Variants in EME2 observed in about 807,000 individuals in gnomAD.
EME2 encodes the protein structure-specific endonuclease subunit EME2.
In EME2, 58 loss-of-function variants were observed where a neutral mutation model predicts 41.9. That is an observed-to-expected ratio of 1.38 (90% CI 1.12 to 1.72). The LOEUF (loss-of-function observed/expected upper bound fraction) is 1.72. Among genes scored for constraint, EME2 ranks in the 40% most tolerant of loss-of-function variants. The pLI is 0.00. For missense variants in EME2, 695 were observed against 541.9 expected (o/e 1.28, Z -2.81); for synonymous variants, 334 against 239.3 (o/e 1.40, Z -3.65).
At position 1,775,646 on chromosome 16, in the gene EME2, G is replaced by C. The variant is rs762536698; in HGVS notation, c.741G>C (p.Val247=). The C allele has an allele frequency of 6.2e-7, 1 of 1,612,932 alleles. No homozygotes were observed. Among genetic ancestry groups the C allele is most frequent in the East Asian group, 2.2e-5 (1 of 44,890 alleles). The change falls in exon 6 of 8, where the codon GTG becomes GTC. Residue 247 remains valine (V), a synonymous_variant. Transcript: ENST00000568449. ...VASWQELSRH[V]CAVTKALAQY... Reference sequence around the variant, plus strand: ...CTTGGCAGGAGCTGAGTCGGCACGTGTGCGCCGTTACCAAGGCTCTCGCCC... The same window carrying C: ...CTTGGCAGGAGCTGAGTCGGCACGTCTGCGCCGTTACCAAGGCTCTCGCCC...
At position 1,775,807 on chromosome 16, in the gene EME2, G is replaced by C; in HGVS notation, c.790G>C (p.Glu264Gln). The C allele has an allele frequency of 3.7e-6, 6 of 1,612,460 alleles. No individual in the cohort carries two copies. Among genetic ancestry groups the C allele is most frequent in the Non-Finnish European group, 4.2e-6 (5 of 1,179,738 alleles). ...TCTCTCTGTCCCCAGGCAGTACCGG[G>C]AATCCCAGGCCTTCTCCTTCTGCAC... ...LAQYPLKQYR[E>Q]SQAFSFCTAG... The change falls in exon 7 of 8, where the codon GAA becomes CAA. Residue 264 changes from glutamate to glutamine, a missense_variant. By Grantham distance (29) the Glu-to-Gln change is conservative. Transcript: ENST00000568449.
rs2042704413 is a variant in EME2, at chr16:1,775,885, C to T, written c.868C>T (p.Gln290Ter). ...EPVARDGAGLQAAWRRQIRQF... is the reference protein window; with the variant it reads ...EPVARDGAGL ...AGTGGCAAGAGACGGCGCAGGGCTGCAGGCGGCCTGGCGGAGGCAGATCAG... is the reference window on the plus strand; with the variant it reads ...AGTGGCAAGAGACGGCGCAGGGCTGTAGGCGGCCTGGCGGAGGCAGATCAG... The change falls in exon 7 of 8, where the codon CAG becomes TAG. Residue 290 changes from glutamine (Q) to a stop codon, truncating the protein, a stop_gained. Coordinates refer to ENST00000568449, the MANE Select transcript of EME2 (RefSeq NM_001257370.2). LOFTEE classifies it high-confidence loss of function. The T allele has an allele frequency of 1.2e-6, 2 of 1,612,536 alleles. 1 individual carries two copies. Among genetic ancestry groups the T allele is most frequent in the East Asian group, 4.5e-5 (2 of 44,874 alleles).
Position 1,777,611 on chromosome 16 carries a change from C to T in EME2, c.*1373C>T, listed in dbSNP as rs2042733633. On this transcript the variant is annotated 3_prime_UTR_variant, in exon 8 of 8. Coordinates refer to ENST00000568449, the MANE Select transcript of EME2 (RefSeq NM_001257370.2). Reference sequence around the variant, plus strand: ...ACTCCAGCCTGGCCTCACTGTCCCACCCCCTGGGACCCTGGGGCCTCAGGC... The same window carrying T: ...ACTCCAGCCTGGCCTCACTGTCCCATCCCCTGGGACCCTGGGGCCTCAGGC... The T allele has an allele frequency of 2.8e-6, 4 of 1,443,380 alleles. No homozygotes were observed. Among genetic ancestry groups the T allele is most frequent in the Non-Finnish European group, 3.7e-6 (4 of 1,074,826 alleles). 89.4% of individuals were successfully genotyped at this position (1,443,380 alleles called of 1,614,324 possible).
chr16:1,775,356 G>T lies in EME2; in HGVS notation c.611G>T (p.Ser204Ile). ...TCCCGGGGGACACAGCAGCCAGAGA[G>T]CCCGAAGGTGGCCGGTGCCGAGGTG... ...HVSRGTQQPE[S>I]PKVAGAEVAV... Residue 204 changes from serine to isoleucine, a missense_variant, in exon 5 of 8, where the codon AGC becomes ATC. Transcript: ENST00000568449. 2 of 1,611,584 alleles carry T rather than the reference G, an allele frequency of 1.2e-6. No individual in the cohort carries two copies.
chr16:1,777,448 A>G lies in EME2; in HGVS notation c.*1210A>G, dbSNP rs1414980310. 6.7e-7 allele frequency: 1 copy of G among 1,503,114 alleles called. No individual in the cohort carries two copies. Among genetic ancestry groups the G allele is most frequent in the Non-Finnish European group, 8.9e-7 (1 of 1,126,758 alleles). The allele number at this position is 1,503,114 out of a possible 1,614,324, so 93.1% of individuals were successfully genotyped here. A position where few individuals can be genotyped will look rare whatever the true frequency, so the allele number is the denominator to read the frequency against. On this transcript the variant is annotated 3_prime_UTR_variant, in exon 8 of 8. Transcript: ENST00000568449. ...GCAGCTTGGTGGCTGCCACACCTGG[A>G]AGGGAGGGGCCCAGCCTGAACCCCA...
At position 1,781,665 on chromosome 16, in the gene EME2, C is replaced by G; in HGVS notation, c.*5427C>G. The G allele has an allele frequency of 1.5e-6, 1 of 657,950 alleles. No individual in the cohort carries two copies. Among genetic ancestry groups the G allele is most frequent in the Non-Finnish European group, 2.6e-6 (1 of 386,998 alleles). 40.8% of individuals were successfully genotyped at this position (657,950 alleles called of 1,614,324 possible). A position where few individuals can be genotyped will look rare whatever the true frequency, so the allele number is the denominator to read the frequency against. ...CCCGTACCTCACTCCAGGATCTGAG[C>G]AGCTCAATAAAACCCAGGTAGATCC... On this transcript the variant is annotated 3_prime_UTR_variant, in exon 8 of 8. Coordinates refer to ENST00000568449, the MANE Select transcript of EME2 (RefSeq NM_001257370.2).
At chr16:1,775,506 A>G (rs968605768) in intron 5 of EME2, 63 bp from the exon 6 acceptor site, 11 of 1,597,436 alleles carry the variant, frequency 6.9e-6, no homozygotes, top group East Asian at 4.5e-5. Flanking sequence ...TGGGGCAGCT[A>G]TCAGCTGTGT....
rs200598518 is a variant in EME2 at position 1,775,205 on chromosome 16, G to T, written c.569+73G>T. ...TCAGGGGAGGTGGGCACACTTCTGG[G>T]GTTGCTGTGGCACAGCTGATCCCAC... On this transcript the variant is annotated intron_variant, in intron 4 of 7. Transcript: ENST00000568449. 2.1e-3 allele frequency: 3,397 copies of T among 1,588,420 alleles called. 8 individuals carry two copies. The highest frequency in any genetic ancestry group is 2.7e-3 in the Non-Finnish European group (3,091 of 1,159,790).
rs2042724272 is a variant in EME2 at position 1,777,056 on chromosome 16, G to A, written c.*818G>A. On this transcript the variant is annotated 3_prime_UTR_variant, in exon 8 of 8. Transcript: ENST00000568449. ...AGAGAAAGAAGGGACAGAGGAAAGG[G>A]GCTGTCCCAGCCCAAGAAGGCAGTT... 1 of 1,587,536 alleles carries A rather than the reference G, an allele frequency of 6.3e-7. No individual in the cohort carries two copies. The highest frequency in any genetic ancestry group is 8.6e-7 in the Non-Finnish European group (1 of 1,164,292).
In EME2 at chr16:1,777,393, AGC is replaced by A; in HGVS notation, c.*1156_*1157del. The A allele has an allele frequency of 1.9e-6, 3 of 1,590,396 alleles. No homozygotes were observed. The highest frequency in any genetic ancestry group is 2.6e-6 in the Non-Finnish European group (3 of 1,171,054). On this transcript the variant is annotated 3_prime_UTR_variant, in exon 8 of 8. Transcript: ENST00000568449. ...TTCATGCTGCTCCGGGCCGCCGTGG[AGC>A]ACACCATCGGGTAGAATCTCTTGTT...
rs748524574 is a variant in EME2 at position 1,778,523 on chromosome 16, G to A, written c.*2285G>A. ...AGGAGGCCTCGCTCTGCCCAGCACA[G>A]TCACAGAAGGACTCGCCGGTCACGG... On this transcript the variant is annotated 3_prime_UTR_variant, in exon 8 of 8. Coordinates refer to ENST00000568449, the MANE Select transcript of EME2 (RefSeq NM_001257370.2). 5.0e-6 allele frequency: 8 copies of A among 1,611,308 alleles called. No individual in the cohort carries two copies. The highest frequency in any genetic ancestry group is 5.9e-6 in the Non-Finnish European group (7 of 1,178,958).
At position 1,781,255 on chromosome 16, in the gene EME2, C is replaced by G. The variant is rs748559866; in HGVS notation, c.*5017C>G. On this transcript the variant is annotated 3_prime_UTR_variant, in exon 8 of 8. Transcript: ENST00000568449. ...ACTGGTCCTCTAGCCTCAGAAGCAT[C>G]TTTTTCTCCGACTGATTCCGTGTTC... 1 of 1,606,486 alleles carries G rather than the reference C, an allele frequency of 6.2e-7. No homozygotes were observed. The highest frequency in any genetic ancestry group is 2.2e-5 in the East Asian group (1 of 44,818).
chr16:1,778,703 C>T lies in EME2; in HGVS notation c.*2465C>T, dbSNP rs2042751831. ...GTCCCTGTCCCACCCTGTCCCTGACCCACCCAGGAAAGGATGGGGGTCCAG... is the reference window on the plus strand; with the variant it reads ...GTCCCTGTCCCACCCTGTCCCTGACTCACCCAGGAAAGGATGGGGGTCCAG... On this transcript the variant is annotated 3_prime_UTR_variant, in exon 8 of 8. Transcript: ENST00000568449. 3 of 1,426,264 alleles carry T rather than the reference C, an allele frequency of 2.1e-6. No homozygotes were observed. In the Admixed American group the frequency reaches 7.6e-5, roughly 36 times the overall value. 88.4% of individuals were successfully genotyped at this position (1,426,264 alleles called of 1,614,324 possible). A position where few individuals can be genotyped will look rare whatever the true frequency, so the allele number is the denominator to read the frequency against.
In EME2 at chr16:1,775,095, C is replaced by A; in HGVS notation, c.532C>A (p.Pro178Thr). ...PWISPETTARPHLAVIGLDAY... is the reference protein window; with the variant it reads ...PWISPETTARTHLAVIGLDAY... ...GATCTCCCCCGAGACCACCGCCCGGCCCCACCTGGCTGTCATCGGGCTGGA... is the reference window on the plus strand; with the variant it reads ...GATCTCCCCCGAGACCACCGCCCGGACCCACCTGGCTGTCATCGGGCTGGA... The change falls in exon 4 of 8, where the codon CCC (proline) becomes ACC (threonine). Residue 178 changes from proline (P) to threonine (T), a missense_variant. Transcript: ENST00000568449. 6.2e-7 allele frequency: 1 copy of A among 1,611,598 alleles called. No homozygotes were observed.
At position 1,777,383 on chromosome 16, in the gene EME2, G is replaced by C; in HGVS notation, c.*1145G>C. The C allele has an allele frequency of 6.3e-7, 1 of 1,597,072 alleles. No individual in the cohort carries two copies. Among genetic ancestry groups the C allele is most frequent in the East Asian group, 2.2e-5 (1 of 44,554 alleles). ...GCGGGTGACCTTCATGCTGCTCCGG[G>C]CCGCCGTGGAGCACACCATCGGGTA... On this transcript the variant is annotated 3_prime_UTR_variant, in exon 8 of 8. Transcript: ENST00000568449.
Position 1,773,375 on chromosome 16 carries a change from G to T in EME2, c.148G>T (p.Ala50Ser). 1.3e-6 allele frequency: 2 copies of T among 1,548,338 alleles called. No homozygotes were observed. The highest frequency in any genetic ancestry group is 1.2e-5 in the South Asian group (1 of 85,566). ...DSAGSEAAAR[A>S]RDPAGERRAA... is the part of the protein sequence containing the mutation. ...CGCCGGCTCGGAGGCCGCCGCGAGA[G>T]CCCGGGACCCAGCGGGTGAGCGCAG... Residue 50 changes from alanine (A) to serine (S), a missense_variant, in exon 1 of 8, where the codon GCC (alanine) becomes TCC (serine). Transcript: ENST00000568449.
chr16:1,773,882 C>T (rs1448792035), intron 2 of EME2, 41 bp downstream of exon 2: 2 of 1,507,218 alleles, frequency 1.3e-6, no homozygotes, highest in South Asian at 1.3e-5. Context: ...CGCGAGTTGG[C>T]TGTTTTGCTT....
chr16:1,781,662 G>A lies in EME2; in HGVS notation c.*5424G>A, dbSNP rs1050918319. The A allele has an allele frequency of 1.5e-6, 1 of 663,032 alleles. No homozygotes were observed. The highest frequency in any genetic ancestry group is 2.6e-6 in the Non-Finnish European group (1 of 391,494). The allele number at this position is 663,032 out of a possible 1,614,324, so 41.1% of individuals were successfully genotyped here. ...GAGCCCGTACCTCACTCCAGGATCT[G>A]AGCAGCTCAATAAAACCCAGGTAGA... On this transcript the variant is annotated 3_prime_UTR_variant, in exon 8 of 8. Coordinates refer to ENST00000568449, the MANE Select transcript of EME2 (RefSeq NM_001257370.2).
chr16:1,777,235 G>A lies in EME2; in HGVS notation c.*997G>A. 1 of 1,610,824 alleles carries A rather than the reference G, an allele frequency of 6.2e-7. No homozygotes were observed. Among genetic ancestry groups the A allele is most frequent in the Non-Finnish European group, 8.5e-7 (1 of 1,179,840 alleles). On this transcript the variant is annotated 3_prime_UTR_variant, in exon 8 of 8. Coordinates refer to ENST00000568449, the MANE Select transcript of EME2 (RefSeq NM_001257370.2). ...TGCTCAGGACCCAGCCCAGCTTGTT[G>A]TGTAGCACCTGCTTGAGGCCCGGCG...
Sources: allele counts gnomAD v4.1 joint callset, GRCh38; gene constraint gnomAD v4.1.1; transcripts MANE v1.5; gene names NCBI Gene and HGNC (gene_info 2026-07-23, HGNC 2026-07-21).